The following SAMMSON variants were observed in gnomAD, a reference collection of about 807,000 sequenced individuals.
The protein encoded by SAMMSON is survival associated mitochondrial melanoma specific oncogenic non-coding RNA.
intron 4 of SAMMSON, among the ~76,000 whole-genome samples, chr3:70,225,984 A>G (rs1701502831): frequency 1.3e-5 from 2 of 152,306 alleles, no homozygotes; most frequent in Admixed American, 1.3e-4. Context: ...AGGATGAGAC[A>G]TATTGCCTTA....
At chr3:70,188,180 T>C (rs1436901751) in intron 4 of SAMMSON, among the ~76,000 whole-genome samples, 1 of 152,182 alleles carries the variant, frequency 6.6e-6, no homozygotes, top group African/African-American at 2.4e-5. Flanking sequence ...GTCTTTATAG[T>C]AAAGTGAGGA....
chr3:70,160,498 G>A (rs1443860716), intron 4 of SAMMSON, among the ~76,000 whole-genome samples: 11 of 151,868 alleles, frequency 7.2e-5, no homozygotes, highest in African/African-American at 2.4e-4. Context: ...ATTGACAATC[G>A]ACCATTCATA....
At chr3:70,381,426 C>T (rs960576384) in intron 9 of SAMMSON, among the ~76,000 whole-genome samples, 3 of 152,154 alleles carry the variant, frequency 2.0e-5, no homozygotes, top group Admixed American at 1.3e-4. Flanking sequence ...TGGACAACTG[C>T]ATATTTGCAG....
At chr3:70,037,067 A>G (rs767675188) in intron 3 of SAMMSON, among the ~76,000 whole-genome samples, 1 of 152,014 alleles carries the variant, frequency 6.6e-6, no homozygotes, top group Non-Finnish European at 1.5e-5. Context: ...AGGATGTGGT[A>G]TGTTTAATAT....
chr3:70,050,917 C>G (rs1390451210), intron 3 of SAMMSON, among the ~76,000 whole-genome samples: 1 of 151,876 alleles, frequency 6.6e-6, no homozygotes, highest in East Asian at 1.9e-4. Flanking sequence ...CAGCGGATCA[C>G]TTGAGGTCAG....
chr3:70,030,760 A>G (rs905508728), intron 3 of SAMMSON: 2 of 152,222 alleles, frequency 1.3e-5, no homozygotes, highest in African/African-American at 4.8e-5. Flanking sequence ...CATAGGATAT[A>G]TACAGATGGC....
intron 7 of SAMMSON, among the ~76,000 whole-genome samples, chr3:70,325,613 C>G (rs749020632): frequency 4.6e-5 from 7 of 152,108 alleles, no homozygotes; most frequent in South Asian, 2.1e-4. Flanking sequence ...GCCATTTGCT[C>G]ATTTCAAATT....
At chr3:70,137,899 G>T (rs2067512518) in intron 4 of SAMMSON, among the ~76,000 whole-genome samples, 1 of 152,082 alleles carries the variant, frequency 6.6e-6, no homozygotes, top group East Asian at 1.9e-4. Context: ...ACTGTATTGG[G>T]CAGTGTAGTT....
chr3:70,209,262 C>A (rs1358137048), intron 4 of SAMMSON, among the ~76,000 whole-genome samples: 1 of 152,050 alleles, frequency 6.6e-6, no homozygotes, highest in African/African-American at 2.4e-5. Context: ...CTTTTATCCA[C>A]TAGATGCTAG....
At chr3:70,170,600 T>TTTTTTTTTTTTA (rs1700935877) in intron 4 of SAMMSON, among the ~76,000 whole-genome samples, 1 of 141,962 alleles carries the variant, frequency 7.0e-6, no homozygotes, top group African/African-American at 2.5e-5. Flanking sequence ...TTTTTTTTTT[T>TTTTTTTTTTTTA]TGTATTTTAT....
chr3:70,101,432 G>T (rs1399653611), intron 4 of SAMMSON, among the ~76,000 whole-genome samples: 1 of 151,904 alleles, frequency 6.6e-6, no homozygotes, highest in African/African-American at 2.4e-5. Flanking sequence ...ATTATAAGAG[G>T]CATAATTATT....
intron 4 of SAMMSON, among the ~76,000 whole-genome samples, chr3:70,142,914 G>A (rs1405039634): frequency 1.3e-5 from 2 of 152,036 alleles, no homozygotes; most frequent in African/African-American, 2.4e-5. Context: ...AAGCATACTT[G>A]AGTCCCTATT....
chr3:70,237,164 G>A (rs1289287670), intron 4 of SAMMSON, among the ~76,000 whole-genome samples: 2 of 152,104 alleles, frequency 1.3e-5, no homozygotes, highest in Admixed American at 6.5e-5. Flanking sequence ...ATGTAAAGGG[G>A]GCCAAGCTGT....
chr3:70,151,628 T>C (rs951294651), intron 4 of SAMMSON, among the ~76,000 whole-genome samples: 1 of 152,074 alleles, frequency 6.6e-6, no homozygotes, highest in Admixed American at 6.6e-5. Context: ...AAACACTTGG[T>C]AAATGATAAA....
At chr3:70,379,620 A>G (rs1703047706) in intron 9 of SAMMSON, among the ~76,000 whole-genome samples, 2 of 152,150 alleles carry the variant, frequency 1.3e-5, no homozygotes, top group Admixed American at 1.3e-4. Flanking sequence ...TCAATCAGTC[A>G]TTGGATATGG....
At chr3:70,199,727 T>C (rs184544031) in intron 4 of SAMMSON, among the ~76,000 whole-genome samples, 1 of 152,316 alleles carries the variant, frequency 6.6e-6, no homozygotes, top group African/African-American at 2.4e-5. Context: ...GATTTCCTCT[T>C]GTCCTGAATG....
chr3:70,103,623 G>A (rs1195830057), intron 4 of SAMMSON, among the ~76,000 whole-genome samples: 6 of 152,122 alleles, frequency 3.9e-5, no homozygotes, highest in Admixed American at 3.9e-4. Flanking sequence ...TCTCCTGGGA[G>A]CAGGAAACTT....
chr3:70,414,143 G>C (rs1212231024), intron 2 of SAMMSON, among the ~76,000 whole-genome samples: 1 of 152,082 alleles, frequency 6.6e-6, no homozygotes, highest in Non-Finnish European at 1.5e-5. Flanking sequence ...TCATTAAGCA[G>C]TTTGTAAAGT....
rs564973499 is a variant in SAMMSON at position 70,018,375 on chromosome 3, G to C, written n.417+4703G>C. 2.0e-5 allele frequency among the ~76,000 whole-genome samples: 3 copies of C among 152,286 alleles called. 1 individual carries two copies. Among genetic ancestry groups the C allele is most frequent in the African/African-American group, 7.2e-5 (3 of 41,550 alleles). ...GATTTTCTAGTTTATTTGCGTAGAG[G>C]TGTTTATAGTATTTTATGGTAGTTT... On this transcript the variant is annotated intron_variant and non_coding_transcript_variant, in intron 3 of 9. Transcript: ENST00000642114.
Sources: allele counts gnomAD v4.1 joint callset (sites outside exome capture counted in the v4.1 genomes callset), GRCh38; gene constraint gnomAD v4.1.1; transcripts MANE v1.5; gene names NCBI Gene and HGNC (gene_info 2026-07-23, HGNC 2026-07-21).